ELAVL2: variants seen among roughly 807,000 people sequenced by gnomAD.
ELAVL2 encodes the protein ELAV-like protein 2.
In ELAVL2, 4 loss-of-function variants were observed where a neutral mutation model predicts 34.6. The observed-to-expected ratio is 0.12, with a 90% CI of 0.06 to 0.26. The LOEUF (loss-of-function observed/expected upper bound fraction) is 0.26, where lower values mean the gene tolerates loss of function less well. Ranked by LOEUF, ELAVL2 falls within the 10% of genes least tolerant of loss-of-function variation. The probability of loss-of-function intolerance (pLI) is 1.00; values close to 1 mark genes in which losing one functional copy is unlikely to be tolerated. For missense variants in ELAVL2, 432 were observed against 442.8 expected (o/e 0.98, Z 0.22); for synonymous variants, 193 against 154.8 (o/e 1.25, Z -1.83).
chr9:23,815,819 G>A (rs2063625790), intron 1 of ELAVL2, among the ~76,000 whole-genome samples: 1 of 152,028 alleles, frequency 6.6e-6, no homozygotes, highest in Admixed American at 6.6e-5. Context: ...TGGCCGCACG[G>A]GCACGGTGAT....
intron 3 of ELAVL2, among the ~76,000 whole-genome samples, chr9:23,723,807 T>C (rs1377258935): frequency 6.6e-6 from 1 of 152,102 alleles, no homozygotes; most frequent in East Asian, 1.9e-4. Flanking sequence ...GGGTTCTGCC[T>C]CAATGACTCA....
intron 3 of ELAVL2, among the ~76,000 whole-genome samples, chr9:23,707,756 T>C (rs1231722749): frequency 6.6e-6 from 1 of 152,218 alleles, no homozygotes; most frequent in Non-Finnish European, 1.5e-5. Context: ...TAATTTCTAA[T>C]CCACATGAAA....
chr9:23,789,876 T>G (rs951763706), intron 1 of ELAVL2, among the ~76,000 whole-genome samples: 2 of 152,194 alleles, frequency 1.3e-5, no homozygotes, highest in African/African-American at 4.8e-5. Context: ...ATTTGAAGTT[T>G]TTAAGTGTTC....
intron 1 of ELAVL2, among the ~76,000 whole-genome samples, chr9:23,793,907 C>G (rs972211555): frequency 2.0e-5 from 3 of 151,222 alleles, no homozygotes; most frequent in Non-Finnish European, 4.4e-5. Context: ...TTTTGCTTAC[C>G]CCTTTAAAAA....
At chr9:23,797,533 G>A (rs2137485359) in intron 1 of ELAVL2, among the ~76,000 whole-genome samples, 1 of 152,338 alleles carries the variant, frequency 6.6e-6, no homozygotes, top group South Asian at 2.1e-4. Flanking sequence ...ATGGGTGGTA[G>A]ATAATGACAG....
At chr9:23,721,443 G>C (rs2043686639) in intron 3 of ELAVL2, among the ~76,000 whole-genome samples, 1 of 152,164 alleles carries the variant, frequency 6.6e-6, no homozygotes, top group Admixed American at 6.5e-5. Context: ...AGGACTACAT[G>C]CTTGTTCTAT....
upstream of ELAVL2, among the ~76,000 whole-genome samples, chr9:23,827,842 T>G (rs1269728340): frequency 6.6e-6 from 1 of 152,196 alleles, no homozygotes; most frequent in Non-Finnish European, 1.5e-5. Flanking sequence ...TTATCTCCCG[T>G]GTAGCCTGTA....
intron 1 of ELAVL2, among the ~76,000 whole-genome samples, chr9:23,816,581 C>T (rs1054171147): frequency 3.3e-5 from 5 of 151,944 alleles, no homozygotes; most frequent in Non-Finnish European, 5.9e-5. Context: ...TACAGATGGT[C>T]CCCAATTTAT....
At chr9:23,829,896 A>G (rs1457657896), upstream of ELAVL2, 1 of 152,096 alleles carries the variant, frequency 6.6e-6, no homozygotes, top group Non-Finnish European at 1.5e-5. Flanking sequence ...ATTCCACGGG[A>G]CTTTGCGGAA....
the ELAVL2 span, among the ~76,000 whole-genome samples, chr9:23,841,180 C>T: frequency 6.6e-6 from 1 of 151,962 alleles, no homozygotes; most frequent in African/African-American, 2.4e-5. Context: ...GCAGCGTAAG[C>T]CTAGGGGAAC....
At chr9:23,781,041 T>C (rs1357165417) in intron 1 of ELAVL2, among the ~76,000 whole-genome samples, 1 of 152,218 alleles carries the variant, frequency 6.6e-6, no homozygotes, top group Non-Finnish European at 1.5e-5. Flanking sequence ...TTCTTAATGA[T>C]TCTGTGACCC....
At chr9:23,768,272 T>C (rs972029932) in intron 1 of ELAVL2, among the ~76,000 whole-genome samples, 11 of 152,118 alleles carry the variant, frequency 7.2e-5, no homozygotes, top group African/African-American at 9.7e-5. Context: ...TCTTCTAGCT[T>C]TGTTTATGCA....
chr9:23,843,276 T>A, the ELAVL2 span, among the ~76,000 whole-genome samples: 3 of 152,064 alleles, frequency 2.0e-5, no homozygotes, highest in Admixed American at 1.3e-4. Flanking sequence ...GAGAGGATTT[T>A]CCTAAAAATG....
chr9:23,807,250 C>G (rs1564544476), intron 1 of ELAVL2, among the ~76,000 whole-genome samples: 1 of 152,080 alleles, frequency 6.6e-6, no homozygotes, highest in Admixed American at 6.6e-5. Flanking sequence ...ATATCCTTGC[C>G]ATGCATTCAC....
chr9:23,737,909 A>T (rs572555502), intron 2 of ELAVL2, among the ~76,000 whole-genome samples: 1 of 152,200 alleles, frequency 6.6e-6, no homozygotes, highest in African/African-American at 2.4e-5. Flanking sequence ...ATAAAACTGC[A>T]TGCCTTAACG....
intron 1 of ELAVL2, among the ~76,000 whole-genome samples, chr9:23,819,896 C>T (rs2064292041): frequency 6.6e-6 from 1 of 152,142 alleles, no homozygotes; most frequent in Non-Finnish European, 1.5e-5. Context: ...GCGAACTTCC[C>T]GTAAGTATAT....
chr9:23,736,740 C>T (rs1004881260), intron 2 of ELAVL2, among the ~76,000 whole-genome samples: 3 of 152,142 alleles, frequency 2.0e-5, no homozygotes, highest in Non-Finnish European at 2.9e-5. Context: ...ATAGGACAAC[C>T]CTTGCTTAGA....
intron 1 of ELAVL2, among the ~76,000 whole-genome samples, chr9:23,788,440 T>A (rs2059953483): frequency 6.6e-6 from 1 of 152,140 alleles, no homozygotes; most frequent in African/African-American, 2.4e-5. Context: ...TGCCTGAAAC[T>A]TCAGATAGAA....
rs1563885524 is a variant in ELAVL2 at position 23,692,746 on chromosome 9, C to T, written c.891G>A (p.Gly297=). Residue 297 remains glycine, a synonymous_variant, in exon 7 of 7, where the codon GGG becomes GGA. Transcript: ENST00000397312. ...TCACATTGGTGACAGCTCCAAAAGG[C>T]CCAAACATTTGCCACAGGATACTCT... ...ADESILWQMF[G]PFGAVTNVKV... is the part of the protein sequence containing the mutation. 1 of 1,614,140 alleles carries T rather than the reference C, an allele frequency of 6.2e-7. No homozygotes were observed. The highest frequency in any genetic ancestry group is 8.5e-7 in the Non-Finnish European group (1 of 1,179,996).
Sources: allele counts gnomAD v4.1 joint callset (sites outside exome capture counted in the v4.1 genomes callset), GRCh38; gene constraint gnomAD v4.1.1; transcripts MANE v1.5; gene names NCBI Gene and HGNC (gene_info 2026-07-23, HGNC 2026-07-21).